NBAS: variants seen among roughly 807,000 people sequenced by gnomAD.
The protein encoded by NBAS is NAG/BC035112 fusion.
A neutral mutation model predicts 302.5 loss-of-function variants in NBAS; 219 were observed. The ratio of observed to expected loss-of-function variants is 0.72; its 90% CI spans 0.65 to 0.81. The LOEUF is 0.81. Ranked by LOEUF, NBAS falls within the 30% of genes least tolerant of loss-of-function variation. NBAS has a pLI of 0.00. For missense variants in NBAS, 2,932 were observed against 2,841.6 expected, an observed-to-expected ratio of 1.03 and a Z score of -0.72; for synonymous variants, 1,118 against 1,021.6, an observed-to-expected ratio of 1.09 and a Z score of -1.80.
the NBAS span, among the ~76,000 whole-genome samples, chr2:15,006,255 G>C: frequency 1.3e-5 from 2 of 152,072 alleles, no homozygotes; most frequent in Non-Finnish European, 2.9e-5. Context: ...TTATCATATT[G>C]TTTGATTCAG....
downstream of NBAS, among the ~76,000 whole-genome samples, chr2:15,165,437 C>T (rs1415346239): frequency 6.6e-6 from 1 of 152,182 alleles, no homozygotes; most frequent in Non-Finnish European, 1.5e-5. Context: ...GGAACTCAAT[C>T]TTGGGGTAGA....
chr2:15,282,455 T>C (rs1454906601), intron 42 of NBAS, among the ~76,000 whole-genome samples: 1 of 152,146 alleles, frequency 6.6e-6, no homozygotes, highest in Non-Finnish European at 1.5e-5. Context: ...AGATAGACCT[T>C]GTTCTTACCC....
chr2:15,401,030 A>C (rs10203196), intron 26 of NBAS, among the ~76,000 whole-genome samples: 1 of 151,838 alleles, frequency 6.6e-6, no homozygotes, highest in South Asian at 2.1e-4. Flanking sequence ...CAGGTACTTC[A>C]TATTGGATCA....
At chr2:15,079,258 C>A in the NBAS span, among the ~76,000 whole-genome samples, 1 of 152,038 alleles carries the variant, frequency 6.6e-6, no homozygotes, top group Non-Finnish European at 1.5e-5. Flanking sequence ...AAATAAGAAA[C>A]CTATCTGAGC....
chr2:14,855,212 G>C, the NBAS span, among the ~76,000 whole-genome samples: 1 of 151,966 alleles, frequency 6.6e-6, no homozygotes, highest in Non-Finnish European at 1.5e-5. Flanking sequence ...ACCCGGTCCT[G>C]CCAGCATTCA....
chr2:15,019,924 A>C, the NBAS span, among the ~76,000 whole-genome samples: 1 of 152,188 alleles, frequency 6.6e-6, no homozygotes, highest in South Asian at 2.1e-4. Flanking sequence ...TGTTGTTTGC[A>C]AACCACCAAC....
the NBAS span, among the ~76,000 whole-genome samples, chr2:15,088,742 G>A: frequency 6.6e-6 from 1 of 152,232 alleles, no homozygotes; most frequent in African/African-American, 2.4e-5. Context: ...TTCTCACAGA[G>A]GTGGAAAGTG....
At chr2:14,916,095 T>C in the NBAS span, among the ~76,000 whole-genome samples, 1 of 152,202 alleles carries the variant, frequency 6.6e-6, no homozygotes, top group Non-Finnish European at 1.5e-5. Flanking sequence ...AGATTTTTTT[T>C]TTCGTCTTTA....
At chr2:15,062,530 T>C in the NBAS span, among the ~76,000 whole-genome samples, 1 of 152,178 alleles carries the variant, frequency 6.6e-6, no homozygotes, top group African/African-American at 2.4e-5. Context: ...AAAGCTGTAA[T>C]CAATGTATCA....
At chr2:14,780,568 T>C in the NBAS span, among the ~76,000 whole-genome samples, 1 of 152,348 alleles carries the variant, frequency 6.6e-6, no homozygotes, top group East Asian at 1.9e-4. Flanking sequence ...TCCTCAATTA[T>C]CCAATTAGCC....
At chr2:15,129,456 C>T in the NBAS span, among the ~76,000 whole-genome samples, 1,234 of 152,266 alleles carry the variant, frequency 8.1e-3, 18 homozygotes, top group African/African-American at 0.028. Flanking sequence ...GTCTTCTCCT[C>T]GATGCCCCGC....
chr2:15,207,754 C>A (rs1385696723), intron 48 of NBAS, among the ~76,000 whole-genome samples: 1 of 152,206 alleles, frequency 6.6e-6, no homozygotes, highest in Non-Finnish European at 1.5e-5. Context: ...GCTTGCTCTT[C>A]ATTTGCTGTC....
At chr2:15,031,952 C>T in the NBAS span, among the ~76,000 whole-genome samples, 1 of 151,952 alleles carries the variant, frequency 6.6e-6, no homozygotes, top group Admixed American at 6.6e-5. Flanking sequence ...TCTAGGTGGC[C>T]AGAGGTGCCA....
At chr2:14,794,322 C>T in the NBAS span, among the ~76,000 whole-genome samples, 10 of 152,252 alleles carry the variant, frequency 6.6e-5, no homozygotes, top group Non-Finnish European at 8.8e-5. Flanking sequence ...TTTCAATTGA[C>T]GGTATATTTG....
the NBAS span, among the ~76,000 whole-genome samples, chr2:14,982,121 C>T: frequency 6.6e-6 from 1 of 152,308 alleles, no homozygotes; most frequent in East Asian, 1.9e-4. Context: ...AACCAAGCTG[C>T]TGTCCTGTGA....
intron 44 of NBAS, among the ~76,000 whole-genome samples, chr2:15,258,037 T>C (rs965307943): frequency 6.6e-6 from 1 of 152,152 alleles, no homozygotes; most frequent in African/African-American, 2.4e-5. Context: ...TAGTTATTTA[T>C]CAAAAAAATA....
intron 44 of NBAS, among the ~76,000 whole-genome samples, chr2:15,269,585 A>G (rs746840566): frequency 6.6e-6 from 1 of 152,212 alleles, no homozygotes; most frequent in Non-Finnish European, 1.5e-5. Context: ...CAGCTTCCCA[A>G]TACTTACAGA....
In NBAS at chr2:15,286,950, A is replaced by G. The variant is rs1670067780; in HGVS notation, c.5138+123T>C. On this transcript the variant is annotated intron_variant, in intron 42 of 51. Transcript: ENST00000281513. ...ATGTATAAGGAAAGAACTTACCAAG[A>G]CACTAGTCCACTGTAGATTAAAGGA... is the stretch of plus-strand genomic sequence containing the variant. 4.5e-5 allele frequency: 33 copies of G among 730,020 alleles called. No individual in the cohort carries two copies. In the South Asian group the frequency reaches 5.5e-4, roughly 12 times the overall value. The allele number at this position is 730,020 out of a possible 1,614,324, so 45.2% of individuals were successfully genotyped here. A position where few individuals can be genotyped will look rare whatever the true frequency, so the allele number is the denominator to read the frequency against.
the NBAS span, among the ~76,000 whole-genome samples, chr2:15,131,711 G>A: frequency 5.3e-5 from 8 of 152,036 alleles, no homozygotes; most frequent in African/African-American, 4.8e-5. Flanking sequence ...AGAAATACCC[G>A]AGACTGGTAA....
Sources: allele counts gnomAD v4.1 joint callset (sites outside exome capture counted in the v4.1 genomes callset), GRCh38; gene constraint gnomAD v4.1.1; transcripts MANE v1.5; gene names NCBI Gene and HGNC (gene_info 2026-07-23, HGNC 2026-07-21).